Variants in CCDC60 observed in about 807,000 individuals in gnomAD.
CCDC60 encodes the protein coiled-coil domain containing 60, also known as coiled-coil domain-containing protein 60.
In CCDC60, 54 loss-of-function variants were observed where a neutral mutation model predicts 63.5. That is an observed-to-expected ratio of 0.85 (90% CI 0.68 to 1.07). CCDC60 has a LOEUF of 1.07. Ranked by LOEUF, CCDC60 falls within the 50% of genes least tolerant of loss-of-function variation. The pLI is 0.00. For synonymous variants in CCDC60, 206 were observed against 238.8 expected (o/e 0.86, Z 1.27); for missense variants, 651 against 684.3 (o/e 0.95, Z 0.54).
chr12:119,350,403 C>T (rs1955644646), intron 1 of CCDC60, among the ~76,000 whole-genome samples: 1 of 151,696 alleles, frequency 6.6e-6, no homozygotes, highest in Non-Finnish European at 1.5e-5. Flanking sequence ...TTTCACCATG[C>T]TGTATTTTTA....
At chr12:119,394,735 C>T (rs180915716) in intron 1 of CCDC60, among the ~76,000 whole-genome samples, 255 of 152,328 alleles carry the variant, frequency 1.7e-3, no homozygotes, top group Non-Finnish European at 3.0e-3. Context: ...TGTTAAATAA[C>T]GTCACTTTCC....
intron 4 of CCDC60, among the ~76,000 whole-genome samples, chr12:119,482,009 A>ATATATATGTATATATAG (rs774808817): frequency 1.2e-3 from 49 of 40,634 alleles, no homozygotes; most frequent in Admixed American, 5.0e-3. Flanking sequence ...TATATATAGT[A>ATATATATGTATATATAG]TATATATATG....
Position 119,373,360 on chromosome 12 carries a change from C to T in CCDC60, c.90+38094C>T, listed in dbSNP as rs182964808. Among the ~76,000 whole-genome samples the T allele has an allele frequency of 2.8e-3, 419 of 152,250 alleles. 1 individual carries two copies. Among genetic ancestry groups the T allele is most frequent in the African/African-American group, 9.2e-3 (384 of 41,538 alleles). On this transcript the variant is annotated intron_variant, in intron 1 of 13. Coordinates refer to ENST00000327554, the MANE Select transcript of CCDC60 (RefSeq NM_178499.5). The stretch of plus-strand genomic sequence containing the variant: ...TGGCTCCAATCACTCTAAACCCCAC[C>T]GGCAGCTATGTGACTCTGAGCCAGT...
At chr12:119,488,160 A>G (rs1336652245) in intron 4 of CCDC60, among the ~76,000 whole-genome samples, 1 of 152,204 alleles carries the variant, frequency 6.6e-6, no homozygotes, top group Admixed American at 6.5e-5. Context: ...TTTTCAAGTA[A>G]TATGCTCTTT....
At chr12:119,432,573 G>C (rs1176359008) in intron 2 of CCDC60, among the ~76,000 whole-genome samples, 1 of 152,172 alleles carries the variant, frequency 6.6e-6, no homozygotes, top group African/African-American at 2.4e-5. Flanking sequence ...CCTGAGGAAT[G>C]AGGGTCTCCA....
intron 1 of CCDC60, among the ~76,000 whole-genome samples, chr12:119,380,091 C>T (rs1168031672): frequency 6.6e-6 from 1 of 152,176 alleles, no homozygotes; most frequent in African/African-American, 2.4e-5. Context: ...CTAGTTCATC[C>T]CTCACACACA....
chr12:119,348,113 A>G (rs1359813131), intron 1 of CCDC60, among the ~76,000 whole-genome samples: 2 of 152,170 alleles, frequency 1.3e-5, no homozygotes, highest in Non-Finnish European at 2.9e-5. Context: ...TCATTAGCTG[A>G]TCCCATCCTC....
chr12:119,364,685 C>T (rs951438308), intron 1 of CCDC60, among the ~76,000 whole-genome samples: 12 of 152,270 alleles, frequency 7.9e-5, no homozygotes, highest in African/African-American at 2.9e-4. Flanking sequence ...GCCGGTGCAT[C>T]TTATAATTGA....
At chr12:119,467,083 A>G (rs1950966503) in intron 2 of CCDC60, among the ~76,000 whole-genome samples, 1 of 152,228 alleles carries the variant, frequency 6.6e-6, no homozygotes, top group African/African-American at 2.4e-5. Flanking sequence ...GGGTATAAAT[A>G]TGACTGCAAA....
chr12:119,524,385 C>G (rs1437018431), intron 11 of CCDC60: 2 of 948,602 alleles, frequency 2.1e-6, no homozygotes, highest in African/African-American at 3.5e-5. Context: ...AACTTCTGCC[C>G]TTTCTAGCTT....
intron 2 of CCDC60, among the ~76,000 whole-genome samples, chr12:119,460,740 G>C (rs1950841365): frequency 6.6e-6 from 1 of 152,160 alleles, no homozygotes; most frequent in Non-Finnish European, 1.5e-5. Context: ...GACCAAAGGA[G>C]ACACATGTCC....
intron 3 of CCDC60, 75 bp downstream of exon 3, chr12:119,472,239 C>A: frequency 7.2e-7 from 1 of 1,389,436 alleles, no homozygotes; most frequent in South Asian, 1.3e-5. Flanking sequence ...CTGGTAAGGT[C>A]AAGCGAGGGC....
intron 1 of CCDC60, among the ~76,000 whole-genome samples, chr12:119,391,304 T>A (rs1442974313): frequency 6.6e-6 from 1 of 152,252 alleles, no homozygotes; most frequent in Non-Finnish European, 1.5e-5. Flanking sequence ...GCCATCCACG[T>A]CTGGGTGCTT....
chr12:119,360,074 C>T (rs1487476318), intron 1 of CCDC60, among the ~76,000 whole-genome samples: 3 of 152,014 alleles, frequency 2.0e-5, no homozygotes, highest in African/African-American at 7.2e-5. Flanking sequence ...GGGTGGTGGC[C>T]GGGCAGAGGG....
intron 1 of CCDC60, among the ~76,000 whole-genome samples, chr12:119,361,199 G>GAGAGGA (rs1955787384): frequency 1.6e-5 from 1 of 64,480 alleles, no homozygotes; most frequent in Admixed American, 2.2e-4. Flanking sequence ...AGAGGGAGAC[G>GAGAGGA]AGAGGGAGAG....
chr12:119,462,074 C>T (rs1217644170), intron 2 of CCDC60, among the ~76,000 whole-genome samples: 1 of 152,182 alleles, frequency 6.6e-6, no homozygotes, highest in African/African-American at 2.4e-5. Context: ...GGCAGCTGGA[C>T]ATCTGACTGC....
chr12:119,406,422 C>T (rs1297027311), intron 1 of CCDC60, among the ~76,000 whole-genome samples: 2 of 152,116 alleles, frequency 1.3e-5, no homozygotes, highest in Non-Finnish European at 2.9e-5. Flanking sequence ...AAAATCAACA[C>T]ATATTGAAGT....
At chr12:119,482,009 A>ATATATATTTATATATATATGTATATATAG in intron 4 of CCDC60, among the ~76,000 whole-genome samples, 1 of 40,634 alleles carries the variant, frequency 2.5e-5, no homozygotes, top group African/African-American at 5.9e-5. Flanking sequence ...TATATATAGT[A>ATATATATTTATATATATATGTATATATAG]TATATATATG....
chr12:119,482,708 C>T (rs966443162), intron 4 of CCDC60, among the ~76,000 whole-genome samples: 10 of 152,080 alleles, frequency 6.6e-5, no homozygotes, highest in Middle Eastern at 3.2e-3. Context: ...CTTAAAACAA[C>T]GATTTAGTAT....
Sources: allele counts gnomAD v4.1 joint callset (sites outside exome capture counted in the v4.1 genomes callset), GRCh38; gene constraint gnomAD v4.1.1; transcripts MANE v1.5; gene names NCBI Gene and HGNC (gene_info 2026-07-23, HGNC 2026-07-21).